ZNF699: variants seen among roughly 807,000 people sequenced by gnomAD.
ZNF699 encodes zinc finger protein 699.
A neutral mutation model predicts 22.5 loss-of-function variants in ZNF699; 18 were observed. That is an observed-to-expected ratio of 0.80 (90% CI 0.55 to 1.19). The LOEUF (loss-of-function observed/expected upper bound fraction) is 1.19. ZNF699 is among the 50% of genes most tolerant of loss of function. The pLI is 0.00. For synonymous variants in ZNF699, 241 were observed against 262.3 expected (o/e 0.92, Z 0.78); for missense variants, 670 against 763.4 (o/e 0.88, Z 1.44).
At chr19:9,303,565 G>A (rs1009209959) in intron 2 of ZNF699, among the ~76,000 whole-genome samples, 2 of 152,114 alleles carry the variant, frequency 1.3e-5, no homozygotes, top group South Asian at 2.1e-4. Context: ...ACCACCACAC[G>A]TCCAGCTATC....
intron 3 of ZNF699, among the ~76,000 whole-genome samples, chr19:9,299,695 G>A (rs2066300091): frequency 6.6e-6 from 1 of 152,066 alleles, no homozygotes; most frequent in Non-Finnish European, 1.5e-5. Context: ...TCTGCCCTCT[G>A]AAAGACAATG....
Position 9,295,627 on chromosome 19 carries a change from C to T in ZNF699, c.1777G>A (p.Gly593Arg). Residue 593 changes from glycine to arginine, a missense_variant, in exon 6 of 6, where the codon GGA becomes AGA. Gly to Arg is a moderately radical substitution (Grantham distance 125, BLOSUM62 -2). Transcript: ENST00000591998. ...GATGAGGGACAACTGAAAGCTTTTCCACATTCCAGACATTCAAAGGGTTTC... is the reference window on the plus strand; with the variant it reads ...GATGAGGGACAACTGAAAGCTTTTCTACATTCCAGACATTCAAAGGGTTTC... ...GEKPFECLECGKAFSCPSSFR... is the reference protein window; with the variant it reads ...GEKPFECLECRKAFSCPSSFR... The T allele has an allele frequency of 6.2e-7, 1 of 1,614,086 alleles. No homozygotes were observed. The highest frequency in any genetic ancestry group is 8.5e-7 in the Non-Finnish European group (1 of 1,180,008).
Position 9,297,405 on chromosome 19 carries a change from G to A in ZNF699, c.361C>T (p.Gln121Ter), listed in dbSNP as rs774512739. The A allele has an allele frequency of 1.2e-6, 2 of 1,601,132 alleles. No homozygotes were observed. The highest frequency in any genetic ancestry group is 2.3e-5 in the South Asian group (2 of 87,502). ...DICGEKISNE[Q>*]KIVRFKRNDS... The stretch of plus-strand genomic sequence containing the variant: ...TTCCTTTTGAATCTTACTATTTTCT[G>A]TTCATTGGATATTTTTTCTCCACAA... The change falls in exon 5 of 6, where the codon CAG becomes TAG. Residue 121 changes from glutamine to a stop codon, truncating the protein, a stop_gained. Transcript: ENST00000591998. LOFTEE classifies it high-confidence loss of function. This position sits in a 1 kb window ranked among gnomAD's most constrained non-coding sequence, Gnocchi z 4.3.
intron 1 of ZNF699, among the ~76,000 whole-genome samples, chr19:9,307,237 T>C (rs1320122000): frequency 1.3e-5 from 2 of 152,182 alleles, no homozygotes; most frequent in East Asian, 3.9e-4. Flanking sequence ...AAATATGTTA[T>C]CTTTGAGCTC....
At chr19:9,298,859 G>T (rs2066296771) in intron 3 of ZNF699, among the ~76,000 whole-genome samples, 1 of 152,152 alleles carries the variant, frequency 6.6e-6, no homozygotes, top group African/African-American at 2.4e-5. Flanking sequence ...AAGCACAGTG[G>T]GTTCAGAAAC....
chr19:9,308,078 A>C (rs2066334074), intron 1 of ZNF699, among the ~76,000 whole-genome samples: 1 of 152,300 alleles, frequency 6.6e-6, no homozygotes, highest in Admixed American at 6.5e-5. Context: ...AAATCAGAAA[A>C]GCTAAAAAAG....
In ZNF699 at chr19:9,309,624, G is replaced by A. The variant is rs972242863; in HGVS notation, c.-280C>T. 3 of 152,440 alleles carry A rather than the reference G, an allele frequency of 2.0e-5. No individual in the cohort carries two copies. The highest frequency in any genetic ancestry group is 7.2e-5 in the African/African-American group (3 of 41,478). The allele number at this position is 152,440 out of a possible 1,614,324, so 9.4% of individuals were successfully genotyped here. On this transcript the variant is annotated 5_prime_UTR_variant, in exon 1 of 6. Coordinates refer to ENST00000591998, the MANE Select transcript of ZNF699 (RefSeq NM_198535.3). Reference sequence around the variant, plus strand: ...GGCTCTCTGAGGAGGCGCCGCGGCGGCGGGAGGCCCCGGGCGCGGGGTCCG... The same window carrying A: ...GGCTCTCTGAGGAGGCGCCGCGGCGACGGGAGGCCCCGGGCGCGGGGTCCG...
Position 9,296,684 on chromosome 19 carries a change from C to T in ZNF699, c.720G>A (p.Lys240=), listed in dbSNP as rs547489105. Residue 240 remains lysine (K), a synonymous_variant, in exon 6 of 6, where the codon AAG becomes AAA. Coordinates refer to ENST00000591998, the MANE Select transcript of ZNF699 (RefSeq NM_198535.3). ...TCTCTTCAGTGGGGGTTTTCATATGCTTCTTGAAACAAGCAAGAAAATGGA... is the reference window on the plus strand; with the variant it reads ...TCTCTTCAGTGGGGGTTTTCATATGTTTCTTGAAACAAGCAAGAAAATGGA... ...KAFHFLACFK[K]HMKTPTEEKP... is the part of the protein sequence containing the mutation. The T allele has an allele frequency of 6.2e-7, 1 of 1,608,924 alleles. No homozygotes were observed. Among genetic ancestry groups the T allele is most frequent in the Non-Finnish European group, 8.5e-7 (1 of 1,178,688 alleles).
At chr19:9,307,711 G>A (rs568500001) in intron 1 of ZNF699, among the ~76,000 whole-genome samples, 1 of 152,226 alleles carries the variant, frequency 6.6e-6, no homozygotes, top group Non-Finnish European at 1.5e-5. Context: ...CACTTTGGGA[G>A]GCCAAGGTGG....
chr19:9,305,000 G>A (rs910044239), intron 2 of ZNF699, 72 bp downstream of exon 2: 1 of 1,200,778 alleles, frequency 8.3e-7, no homozygotes, highest in African/African-American at 1.5e-5. Flanking sequence ...TTGCTGGCTT[G>A]TGCCCTAAAA....
rs1403993802 is a variant in ZNF699, at chr19:9,296,225, A to C, written c.1179T>G (p.Cys393Trp). 6.2e-7 allele frequency: 1 copy of C among 1,613,906 alleles called. No homozygotes were observed. Among genetic ancestry groups the C allele is most frequent in the Non-Finnish European group, 8.5e-7 (1 of 1,179,960 alleles). ...RTHTGEKPYK[C>W]KECGKAYNCP... ...AATTGTAGGCTTTCCCACATTCCTT[A>C]CATTTATAGGGTTTCTCTCCAGTAT... is the stretch of plus-strand genomic sequence containing the variant. The change falls in exon 6 of 6, where the codon TGT becomes TGG. Residue 393 changes from cysteine to tryptophan, a missense_variant. Cys to Trp is a radical substitution (Grantham distance 215). Coordinates refer to ENST00000591998, the MANE Select transcript of ZNF699 (RefSeq NM_198535.3).
chr19:9,296,622 C>A lies in ZNF699; in HGVS notation c.782G>T (p.Ser261Ile). 2 of 1,614,142 alleles carry A rather than the reference C, an allele frequency of 1.2e-6. No homozygotes were observed. The highest frequency in any genetic ancestry group is 1.7e-6 in the Non-Finnish European group (2 of 1,180,022). The change falls in exon 6 of 6, where the codon AGC becomes ATC. Residue 261 changes from serine to isoleucine, a missense_variant. Coordinates refer to ENST00000591998, the MANE Select transcript of ZNF699 (RefSeq NM_198535.3). ...YECKECTKAF[S>I]CSSFFRAHMK... ...ATGTGCCCTAAAGAATGAGGAACAGCTGAAGGCTTTGGTACATTCCTTACA... is the reference window on the plus strand; with the variant it reads ...ATGTGCCCTAAAGAATGAGGAACAGATGAAGGCTTTGGTACATTCCTTACA...
At chr19:9,305,663 A>G (rs1043439928) in intron 1 of ZNF699, among the ~76,000 whole-genome samples, 3 of 151,062 alleles carry the variant, frequency 2.0e-5, no homozygotes, top group African/African-American at 7.3e-5. Context: ...CCCTGCCCCC[A>G]TGAGCTGCAG....
Position 9,295,394 on chromosome 19 carries a change from T to C in ZNF699, c.*81A>G. The stretch of plus-strand genomic sequence containing the variant: ...GCAACAATTTCCTACTTTCTTACAT[T>C]CATAGGGTGTCTCCACAGTATGAGA... On this transcript the variant is annotated 3_prime_UTR_variant, in exon 6 of 6. Transcript: ENST00000591998. 4 of 1,494,498 alleles carry C rather than the reference T, an allele frequency of 2.7e-6. No individual in the cohort carries two copies. In the South Asian group the frequency reaches 5.5e-5, roughly 20 times the overall value. 92.6% of individuals were successfully genotyped at this position (1,494,498 alleles called of 1,614,324 possible). A position where few individuals can be genotyped will look rare whatever the true frequency, so the allele number is the denominator to read the frequency against.
At chr19:9,303,295 C>T (rs1435155329) in intron 2 of ZNF699, among the ~76,000 whole-genome samples, 1 of 152,208 alleles carries the variant, frequency 6.6e-6, no homozygotes, top group African/African-American at 2.4e-5. Context: ...CCTCCCACTT[C>T]AGATGCCAAT....
chr19:9,297,739 A>G lies in ZNF699; in HGVS notation c.286+141T>C. ...TTGCCAAGAACAAGGAAAATGCGAG[A>G]GGACTGATAAAAAGTCAAAATAGTC... On this transcript the variant is annotated intron_variant, in intron 4 of 5. Transcript: ENST00000591998. The surrounding 1 kb of genome is among the most constrained non-coding windows in gnomAD (Gnocchi z 4.3). 1 of 668,522 alleles carries G rather than the reference A, an allele frequency of 1.5e-6. No individual in the cohort carries two copies. The highest frequency in any genetic ancestry group is 2.5e-6 in the Non-Finnish European group (1 of 393,342). The allele number at this position is 668,522 out of a possible 1,614,324, so 41.4% of individuals were successfully genotyped here. A position where few individuals can be genotyped will look rare whatever the true frequency, so the allele number is the denominator to read the frequency against.
chr19:9,305,999 G>T (rs2066326439), intron 1 of ZNF699, among the ~76,000 whole-genome samples: 1 of 151,874 alleles, frequency 6.6e-6, no homozygotes, highest in South Asian at 2.1e-4. Flanking sequence ...ACCGCGCCTG[G>T]CCAAGCATCA....
chr19:9,300,868 T>C (rs1397000284), intron 3 of ZNF699, among the ~76,000 whole-genome samples: 1 of 152,372 alleles, frequency 6.6e-6, no homozygotes, highest in African/African-American at 2.4e-5. Flanking sequence ...TAATGGTGGA[T>C]ACATGTCATT....
chr19:9,304,230 A>G (rs549845205), intron 2 of ZNF699, among the ~76,000 whole-genome samples: 1 of 152,362 alleles, frequency 6.6e-6, no homozygotes, highest in Non-Finnish European at 1.5e-5. Flanking sequence ...TGGAAATGAA[A>G]TAATTTCCAC....
Sources: gnomAD v4.1 joint callset for allele counts (sites outside exome capture counted in the v4.1 genomes callset) on GRCh38, gnomAD v4.1.1 for gene constraint, Gnocchi (gnomAD v3.1) non-coding constraint, MANE v1.5 for transcripts, NCBI Gene and HGNC (gene_info 2026-07-23, HGNC 2026-07-21) for gene names.